Variants in RAD51 observed in about 807,000 individuals in gnomAD.
The protein encoded by RAD51 is RAD51 recombinase.
RAD51 carries 14 observed loss-of-function variants against 41.5 expected under a neutral mutation model. That is an observed-to-expected ratio of 0.34 (90% confidence interval 0.22 to 0.53). The LOEUF (loss-of-function observed/expected upper bound fraction) is 0.53, where lower values mean the gene tolerates loss of function less well. Among genes scored for constraint, RAD51 ranks in the 20% least tolerant of loss-of-function variants. The probability of loss-of-function intolerance (pLI) is 0.95; values close to 1 mark genes in which losing one functional copy is unlikely to be tolerated. For synonymous variants in RAD51, 136 were observed against 148.6 expected (o/e 0.92, Z 0.62); for missense variants, 234 against 422.0 (o/e 0.55, Z 3.90).
chr15:40,694,871 G>C (rs2141798993), upstream of RAD51: 1 of 152,360 alleles, frequency 6.6e-6, no homozygotes, highest in East Asian at 1.9e-4. Flanking sequence ...ACCCGCGAGG[G>C]ACTGGGGTAG....
intron 1 of RAD51, 59 bp from the exon 2 acceptor site, chr15:40,698,698 G>A (rs976368647): frequency 2.0e-6 from 3 of 1,470,898 alleles, no homozygotes; most frequent in African/African-American, 1.4e-5. Flanking sequence ...TAGAAGATGG[G>A]GAGAGAGATG....
At chr15:40,730,765 G>A (rs1190774449) in intron 9 of RAD51, among the ~76,000 whole-genome samples, 1 of 151,498 alleles carries the variant, frequency 6.6e-6, no homozygotes, top group Non-Finnish European at 1.5e-5. Flanking sequence ...CTCGTGATCT[G>A]CCCAACTCAG....
rs557068505 is a variant in RAD51, at chr15:40,714,946, G to A, written c.436-3859G>A. 1.4e-4 allele frequency among the ~76,000 whole-genome samples: 21 copies of A among 152,308 alleles called. No individual in the cohort carries two copies. The South Asian group carries it at 3.5e-3, about 26-fold the overall frequency. ...TCCAGCACTTTGGGAGGCTGAGGCC[G>A]GAGGATTGCTTGAACCCAGGAGTTC... On this transcript the variant is annotated intron_variant, in intron 5 of 9. Transcript: ENST00000267868.
chr15:40,699,585 C>T (rs1425890614), intron 2 of RAD51, among the ~76,000 whole-genome samples: 1 of 152,240 alleles, frequency 6.6e-6, no homozygotes, highest in Non-Finnish European at 1.5e-5. Flanking sequence ...CATGCCTGGC[C>T]AAAGCATCCT....
chr15:40,724,670 A>ATTTGTTTTTTTTTTTTTTTT (rs757564729), intron 6 of RAD51, among the ~76,000 whole-genome samples: 1 of 72,028 alleles, frequency 1.4e-5, no homozygotes, highest in Non-Finnish European at 2.9e-5. Context: ...TAATTTTTTT[A>ATTTGTTTTTTTTTTTTTTTT]TTTCTTTTTT....
intron 6 of RAD51, 147 bp downstream of exon 6, chr15:40,719,046 A>C: frequency 1.4e-6 from 1 of 740,216 alleles, no homozygotes; most frequent in Non-Finnish European, 2.3e-6. Flanking sequence ...TCCTTAGTAG[A>C]AAAAGGCATT....
At position 40,729,082 on chromosome 15, in the gene RAD51, C is replaced by G. The variant is rs4417527; in HGVS notation, c.644+258C>G. ...CTGTGCAAATATTTTAATAAAACAT[C>G]TATATACAGGCCGGGCGCGGTGGCT... is the stretch of plus-strand genomic sequence containing the variant. On this transcript the variant is annotated intron_variant, in intron 7 of 9. Transcript: ENST00000267868. Among the ~76,000 whole-genome samples, 33,798 of 151,908 alleles carry G rather than the reference C, an allele frequency of 0.22. 4,766 individuals are homozygous for G. Among genetic ancestry groups the G allele is most frequent in the East Asian group, 0.67 (3,465 of 5,162 alleles).
intron 6 of RAD51, among the ~76,000 whole-genome samples, chr15:40,726,411 C>T (rs1567053268): frequency 6.6e-6 from 1 of 151,728 alleles, no homozygotes; most frequent in Non-Finnish European, 1.5e-5. Context: ...ACCACCACAC[C>T]CATCTAATTT....
At position 40,728,675 on chromosome 15, in the gene RAD51, G is replaced by A. The variant is rs533268985; in HGVS notation, c.531-36G>A. The A allele has an allele frequency of 1.7e-4, 267 of 1,555,448 alleles. 1 individual carries two copies. The South Asian group carries it at 2.8e-3, about 16-fold the overall frequency. ...CAAATTGCTCATCTGCCTGAGTTCTGTGTGCAGCCTAAAAATGTTCTCTCC... is the reference window on the plus strand; with the variant it reads ...CAAATTGCTCATCTGCCTGAGTTCTATGTGCAGCCTAAAAATGTTCTCTCC... On this transcript the variant is annotated intron_variant, in intron 6 of 9. Coordinates refer to ENST00000267868, the MANE Select transcript of RAD51 (RefSeq NM_002875.5).
chr15:40,706,448 G>C, intron 4 of RAD51, among the ~76,000 whole-genome samples, 154 bp downstream of exon 4: 1 of 152,236 alleles, frequency 6.6e-6, no homozygotes, highest in Non-Finnish European at 1.5e-5. Flanking sequence ...TGTAATCTCA[G>C]CACTTTGGGA....
chr15:40,732,009 GA>G lies in RAD51; in HGVS notation c.*833del. 1 of 210,158 alleles carries G rather than the reference GA, an allele frequency of 4.8e-6. No individual in the cohort carries two copies. Among genetic ancestry groups the G allele is most frequent in the Non-Finnish European group, 9.7e-6 (1 of 103,526 alleles). 13.0% of individuals were successfully genotyped at this position (210,158 alleles called of 1,614,324 possible). A position where few individuals can be genotyped will look rare whatever the true frequency, so the allele number is the denominator to read the frequency against. ...GAGGTGGGAGAATCACTTAAGCCTGGAAGGTGGAAGTTGCAGTGAGTCGAGA... is the reference window on the plus strand; with the variant it reads ...GAGGTGGGAGAATCACTTAAGCCTGGAGGTGGAAGTTGCAGTGAGTCGAGA... On this transcript the variant is annotated 3_prime_UTR_variant, in exon 10 of 10. Transcript: ENST00000267868.
chr15:40,696,681 A>G (rs1022769965), intron 1 of RAD51, among the ~76,000 whole-genome samples: 11 of 152,224 alleles, frequency 7.2e-5, no homozygotes, highest in African/African-American at 2.4e-4. Context: ...TTCTAATGAG[A>G]TGAACTAATG....
At chr15:40,715,663 C>T (rs991541796) in intron 5 of RAD51, among the ~76,000 whole-genome samples, 1 of 152,194 alleles carries the variant, frequency 6.6e-6, no homozygotes, top group Non-Finnish European at 1.5e-5. Flanking sequence ...GAGAACAGAG[C>T]ATGCAATCCA....
At chr15:40,714,909 C>T (rs1209072024) in intron 5 of RAD51, among the ~76,000 whole-genome samples, 1 of 152,312 alleles carries the variant, frequency 6.6e-6, no homozygotes, top group African/African-American at 2.4e-5. Flanking sequence ...TATGGTGGCT[C>T]ATGCTTGTAA....
intron 6 of RAD51, among the ~76,000 whole-genome samples, chr15:40,726,191 C>G (rs1896571237): frequency 2.0e-5 from 3 of 151,794 alleles, no homozygotes; most frequent in Non-Finnish European, 2.9e-5. Context: ...TACAGATTAC[C>G]AGGCTCTTCC....
chr15:40,710,662 T>G (rs1292851769), intron 5 of RAD51, among the ~76,000 whole-genome samples: 3 of 152,196 alleles, frequency 2.0e-5, no homozygotes, highest in Non-Finnish European at 4.4e-5. Context: ...CTTCGTCTTC[T>G]GTTATCAGAA....
intron 1 of RAD51, among the ~76,000 whole-genome samples, chr15:40,697,171 G>A (rs1894694016): frequency 2.0e-5 from 3 of 152,150 alleles, no homozygotes; most frequent in Admixed American, 2.0e-4. Context: ...CACAATCTTG[G>A]CTCACCGCAA....
chr15:40,714,297 G>A (rs1895876848), intron 5 of RAD51, among the ~76,000 whole-genome samples: 1 of 152,102 alleles, frequency 6.6e-6, no homozygotes, highest in South Asian at 2.1e-4. Context: ...AGGGAATTAG[G>A]GCTGTTTAAA....
At chr15:40,702,670 A>G (rs1895077015) in intron 3 of RAD51, among the ~76,000 whole-genome samples, 1 of 151,916 alleles carries the variant, frequency 6.6e-6, no homozygotes. Context: ...GGCTCCCACC[A>G]CCACACGTGG....
Sources: gnomAD v4.1 joint callset for allele counts (sites outside exome capture counted in the v4.1 genomes callset) on GRCh38, gnomAD v4.1.1 for gene constraint, MANE v1.5 for transcripts, NCBI Gene and HGNC (gene_info 2026-07-23, HGNC 2026-07-21) for gene names.